Variants in ZMYM2 observed in about 807,000 individuals in gnomAD.
ZMYM2 encodes zinc finger MYM-type protein 2.
ZMYM2 carries 56 observed loss-of-function variants against 162.8 expected under a neutral mutation model. The ratio of observed to expected loss-of-function variants is 0.34; its 90% CI spans 0.28 to 0.43. The LOEUF (loss-of-function observed/expected upper bound fraction) is 0.43, where lower values mean the gene tolerates loss of function less well. Among genes scored for constraint, ZMYM2 ranks in the 20% least tolerant of loss-of-function variants. The probability of loss-of-function intolerance (pLI) is 1.00; values close to 1 mark genes in which losing one functional copy is unlikely to be tolerated. For missense variants in ZMYM2, 1,275 were observed against 1,621.8 expected, an observed-to-expected ratio of 0.79 and a Z score of 3.67; for synonymous variants, 510 against 541.6, an observed-to-expected ratio of 0.94 and a Z score of 0.81.
In ZMYM2 at chr13:20,060,146, C is replaced by A. The variant is rs148254501; in HGVS notation, c.2739+584C>A. Among the ~76,000 whole-genome samples the A allele has an allele frequency of 8.5e-4, 130 of 152,256 alleles. 1 individual carries two copies. The highest frequency in any genetic ancestry group is 2.8e-3 in the African/African-American group (117 of 41,544). The stretch of plus-strand genomic sequence containing the variant: ...ACTTTGGTATCCATCCACAGGTGGT[C>A]CTGGAACCAATCCCCTAGAATACTG... On this transcript the variant is annotated intron_variant, in intron 16 of 24. Coordinates refer to ENST00000610343, the MANE Select transcript of ZMYM2 (RefSeq NM_197968.4).
intron 2 of ZMYM2, chr13:19,970,016 T>G: frequency 3.0e-6 from 3 of 985,270 alleles, no homozygotes; most frequent in Non-Finnish European, 3.6e-6. Flanking sequence ...AGTATTGTTG[T>G]TTCTTTAGGT....
the ZMYM2 span, among the ~76,000 whole-genome samples, chr13:19,911,044 C>CTTTTT: frequency 2.2e-5 from 2 of 89,284 alleles, no homozygotes; most frequent in Admixed American, 1.4e-4. Flanking sequence ...AGTTCCCAGT[C>CTTTTT]TTTTTTTTTT....
the ZMYM2 span, among the ~76,000 whole-genome samples, chr13:19,929,868 A>C: frequency 1.6e-4 from 24 of 152,190 alleles, no homozygotes; most frequent in Non-Finnish European, 2.2e-4. Context: ...GGAATATTTT[A>C]TGTATTTCAA....
the ZMYM2 span, among the ~76,000 whole-genome samples, chr13:19,870,493 C>G: frequency 2.7e-5 from 4 of 150,650 alleles, no homozygotes; most frequent in Admixed American, 2.0e-4. Flanking sequence ...CCTCCTTTCC[C>G]TTCCCTTCCC....
At chr13:19,977,572 A>G (rs1956901083) in intron 2 of ZMYM2, among the ~76,000 whole-genome samples, 2 of 149,614 alleles carry the variant, frequency 1.3e-5, no homozygotes, top group African/African-American at 4.9e-5. Context: ...GGCTCACTGC[A>G]AGCCCTGCCT....
At chr13:19,899,171 C>T in the ZMYM2 span, among the ~76,000 whole-genome samples, 8 of 151,646 alleles carry the variant, frequency 5.3e-5, no homozygotes, top group African/African-American at 9.7e-5. Context: ...AGGCTGGTCT[C>T]GAACTTCTGA....
intron 5 of ZMYM2, among the ~76,000 whole-genome samples, chr13:20,006,012 A>C (rs971593342): frequency 7.9e-5 from 12 of 152,158 alleles, no homozygotes; most frequent in African/African-American, 2.7e-4. Context: ...TGGGAGGATC[A>C]CTTGAGGCCA....
the ZMYM2 span, among the ~76,000 whole-genome samples, chr13:19,940,309 A>T: frequency 6.6e-6 from 1 of 152,186 alleles, no homozygotes; most frequent in Non-Finnish European, 1.5e-5. Context: ...CCACCCAGGG[A>T]TGGAGGACAA....
intron 19 of ZMYM2, among the ~76,000 whole-genome samples, chr13:20,065,547 C>T (rs1956609025): frequency 6.6e-6 from 1 of 152,136 alleles, no homozygotes; most frequent in African/African-American, 2.4e-5. Context: ...GTAATCCCAG[C>T]ACTTACAGCA....
At chr13:20,085,130 G>T (rs1257959871) in intron 24 of ZMYM2, among the ~76,000 whole-genome samples, 2 of 152,144 alleles carry the variant, frequency 1.3e-5, no homozygotes, top group Non-Finnish European at 2.9e-5. Flanking sequence ...CCTTGGGGTT[G>T]CTGAATAACC....
the ZMYM2 span, among the ~76,000 whole-genome samples, chr13:19,912,809 C>A: frequency 3.9e-5 from 6 of 152,126 alleles, no homozygotes; most frequent in African/African-American, 1.4e-4. Flanking sequence ...ACTCAGGGGG[C>A]TTCTATCTCA....
intron 2 of ZMYM2, among the ~76,000 whole-genome samples, chr13:19,987,948 G>T (rs7332346): frequency 6.6e-6 from 1 of 152,016 alleles, no homozygotes; most frequent in Non-Finnish European, 1.5e-5. Flanking sequence ...TATCTTTTGC[G>T]ATTTTCCAGT....
At chr13:19,895,243 T>C in the ZMYM2 span, among the ~76,000 whole-genome samples, 1 of 151,790 alleles carries the variant, frequency 6.6e-6, no homozygotes, top group African/African-American at 2.4e-5. Flanking sequence ...GAAAACAGTA[T>C]GTTAGTTCCT....
chr13:19,891,461 T>G, the ZMYM2 span, among the ~76,000 whole-genome samples: 1 of 151,672 alleles, frequency 6.6e-6, no homozygotes, highest in African/African-American at 2.4e-5. Flanking sequence ...GACAGTTTTT[T>G]TTTTTTTCCT....
chr13:19,982,450 G>T (rs1235056244), intron 2 of ZMYM2, among the ~76,000 whole-genome samples: 1 of 151,794 alleles, frequency 6.6e-6, no homozygotes, highest in Non-Finnish European at 1.5e-5. Flanking sequence ...ACCATGCCTG[G>T]CTAATTCTTG....
intron 2 of ZMYM2, among the ~76,000 whole-genome samples, chr13:19,992,335 G>T (rs1023726309): frequency 2.0e-5 from 3 of 152,154 alleles, no homozygotes; most frequent in African/African-American, 7.2e-5. Context: ...GAGTTCAGGG[G>T]ATCTCTTGAG....
At chr13:19,968,650 G>T (rs1956024891) in intron 2 of ZMYM2, among the ~76,000 whole-genome samples, 1 of 152,148 alleles carries the variant, frequency 6.6e-6, no homozygotes, top group Non-Finnish European at 1.5e-5. Context: ...ACCTTAGTCT[G>T]TTAGAAAACG....
At chr13:19,875,107 G>A in the ZMYM2 span, among the ~76,000 whole-genome samples, 5 of 152,152 alleles carry the variant, frequency 3.3e-5, no homozygotes, top group African/African-American at 9.7e-5. Flanking sequence ...CCAAAAAGAC[G>A]TCTGCACTAG....
chr13:19,941,720 C>CTT, the ZMYM2 span, among the ~76,000 whole-genome samples: 40,841 of 63,058 alleles, frequency 0.65, 12,761 homozygotes, highest in East Asian at 0.84. Context: ...TGGCTTTCTG[C>CTT]TTTTTTTTTT....
Sources: gnomAD v4.1 joint callset for allele counts (sites outside exome capture counted in the v4.1 genomes callset) on GRCh38, gnomAD v4.1.1 for gene constraint, MANE v1.5 for transcripts, NCBI Gene and HGNC (gene_info 2026-07-23, HGNC 2026-07-21) for gene names.